ARSG: variants seen among roughly 807,000 people sequenced by gnomAD.
ARSG encodes ASG.
ARSG carries 37 observed loss-of-function variants against 50.5 expected under a neutral mutation model. That is an observed-to-expected ratio of 0.73 (90% confidence interval 0.56 to 0.96). The LOEUF (loss-of-function observed/expected upper bound fraction) is 0.96. Ranked by LOEUF, ARSG falls within the 50% of genes least tolerant of loss-of-function variation. The probability of loss-of-function intolerance (pLI) is 0.00; values close to 1 mark genes in which losing one functional copy is unlikely to be tolerated. For synonymous variants in ARSG, 225 were observed against 254.6 expected, an observed-to-expected ratio of 0.88 and a Z score of 1.11; for missense variants, 629 against 675.3, an observed-to-expected ratio of 0.93 and a Z score of 0.76.
At position 68,342,992 on chromosome 17, in the gene ARSG, C is replaced by T. The variant is rs985182737; in HGVS notation, c.219-612C>T. Reference sequence around the variant, plus strand: ...TGATTTTGGGATTAAAAACATACAACGTTAGTAAGTAGGCACATTTGAAAT... The same window carrying T: ...TGATTTTGGGATTAAAAACATACAATGTTAGTAAGTAGGCACATTTGAAAT... On this transcript the variant is annotated intron_variant, in intron 2 of 11. Coordinates refer to ENST00000621439, the MANE Select transcript of ARSG (RefSeq NM_001267727.2). Among the ~76,000 whole-genome samples the T allele has an allele frequency of 2.6e-5, 4 of 152,208 alleles. No homozygotes were observed. In the East Asian group the frequency reaches 5.8e-4, roughly 22 times the overall value.
intron 2 of ARSG, among the ~76,000 whole-genome samples, chr17:68,340,786 A>G (rs1173969341): frequency 2.0e-5 from 3 of 152,138 alleles, no homozygotes; most frequent in African/African-American, 7.2e-5. Context: ...TAAAACAAAG[A>G]TAGAGGTGTA....
At chr17:68,424,688 C>T (rs2083038374), downstream of ARSG, 1 of 343,154 alleles carries the variant, frequency 2.9e-6, no homozygotes, top group Admixed American at 4.1e-5. Context: ...CCAGCGTGAC[C>T]AACATGGTGA....
chr17:68,437,020 G>A, the ARSG span, among the ~76,000 whole-genome samples: 10 of 137,420 alleles, frequency 7.3e-5, no homozygotes, highest in African/African-American at 1.8e-4. Context: ...ATATATATGT[G>A]TGTGTGTGTG....
At chr17:68,405,848 T>C (rs1367909812) in intron 11 of ARSG, among the ~76,000 whole-genome samples, 2 of 152,248 alleles carry the variant, frequency 1.3e-5, no homozygotes, top group African/African-American at 2.4e-5. Context: ...ATCTTTTGGT[T>C]ACTATTTGCA....
At chr17:68,396,089 A>G (rs1273054542) in intron 10 of ARSG, among the ~76,000 whole-genome samples, 1 of 150,086 alleles carries the variant, frequency 6.7e-6, no homozygotes, top group Non-Finnish European at 1.5e-5. Flanking sequence ...GCTCACTGCA[A>G]CCTCCGCCTC....
chr17:68,434,507 G>A, the ARSG span: 2 of 1,602,440 alleles, frequency 1.2e-6, no homozygotes, highest in Admixed American at 1.7e-5. Context: ...AGCGGTCCCT[G>A]CGGGACTTCT....
chr17:68,337,742 C>T (rs1364464036), intron 2 of ARSG, among the ~76,000 whole-genome samples: 2 of 152,048 alleles, frequency 1.3e-5, no homozygotes, highest in South Asian at 2.1e-4. Context: ...CTCAGCCTCC[C>T]GAGTAGCTGA....
chr17:68,274,095 T>C, intron 1 of ARSG: 1 of 1,606,172 alleles, frequency 6.2e-7, no homozygotes, highest in Non-Finnish European at 8.5e-7. Flanking sequence ...CAAAACGATA[T>C]TTTAACTCAC....
intron 1 of ARSG, among the ~76,000 whole-genome samples, chr17:68,272,158 G>A (rs1398581904): frequency 2.0e-5 from 3 of 151,936 alleles, no homozygotes; most frequent in Non-Finnish European, 4.4e-5. Context: ...GGCTGGTCTC[G>A]ATCACCTGAC....
At chr17:68,402,777 G>C (rs190601962) in intron 11 of ARSG, among the ~76,000 whole-genome samples, 25 of 152,172 alleles carry the variant, frequency 1.6e-4, no homozygotes, top group Middle Eastern at 6.8e-3. Context: ...CACCCGCCTC[G>C]GCCTCCCAAA....
At chr17:68,438,938 G>A in the ARSG span, among the ~76,000 whole-genome samples, 1 of 152,180 alleles carries the variant, frequency 6.6e-6, no homozygotes, top group Admixed American at 6.5e-5. Context: ...TTAAAAACAC[G>A]ATGAGATACC....
intron 9 of ARSG, among the ~76,000 whole-genome samples, chr17:68,391,425 C>A (rs934553643): frequency 2.6e-5 from 4 of 152,102 alleles, no homozygotes; most frequent in African/African-American, 9.7e-5. Context: ...GGACTAGGTA[C>A]CTCTGAAGTT....
chr17:68,282,081 G>C (rs1372402153), intron 1 of ARSG, among the ~76,000 whole-genome samples: 1 of 152,118 alleles, frequency 6.6e-6, no homozygotes, highest in Non-Finnish European at 1.5e-5. Context: ...ATTCACAACA[G>C]CAAAGACTTG....
intron 2 of ARSG, among the ~76,000 whole-genome samples, chr17:68,339,459 C>T (rs930410443): frequency 2.0e-5 from 3 of 152,148 alleles, no homozygotes; most frequent in Admixed American, 6.5e-5. Flanking sequence ...TATCCTCAAA[C>T]GTATTGCTAG....
intron 11 of ARSG, among the ~76,000 whole-genome samples, chr17:68,405,726 A>C (rs1568586184): frequency 6.6e-6 from 1 of 152,184 alleles, no homozygotes; most frequent in African/African-American, 2.4e-5. Context: ...CAGAAATGGC[A>C]AAAATGGCAT....
chr17:68,398,466 G>A (rs2081345535), intron 10 of ARSG, among the ~76,000 whole-genome samples: 1 of 152,156 alleles, frequency 6.6e-6, no homozygotes, highest in Non-Finnish European at 1.5e-5. Context: ...TGTAACATAT[G>A]CATACATGTG....
intron 9 of ARSG, among the ~76,000 whole-genome samples, chr17:68,393,215 C>A (rs1600068162): frequency 1.3e-5 from 2 of 152,156 alleles, no homozygotes; most frequent in East Asian, 3.8e-4. Flanking sequence ...CTGTGATCAA[C>A]CATGGTCTAT....
intron 1 of ARSG, among the ~76,000 whole-genome samples, chr17:68,306,518 C>T (rs1806108697): frequency 6.6e-6 from 1 of 152,240 alleles, no homozygotes; most frequent in Admixed American, 6.5e-5. Context: ...TAGCAGGACC[C>T]TATCTCCAAA....
rs2084042428 is a variant in ARSG, at chr17:68,420,176, A to G, written c.1304-13A>G. On this transcript the variant is annotated splice_polypyrimidine_tract_variant and intron_variant, in intron 11 of 11. Coordinates refer to ENST00000621439, the MANE Select transcript of ARSG (RefSeq NM_001267727.2). Reference sequence around the variant, plus strand: ...CAGGGTTAGCGAGGCATTTGTTGTCATTCCCTCTCTAGGTGGAGCCAGGGC... The same window carrying G: ...CAGGGTTAGCGAGGCATTTGTTGTCGTTCCCTCTCTAGGTGGAGCCAGGGC... 1 of 1,612,712 alleles carries G rather than the reference A, an allele frequency of 6.2e-7. No homozygotes were observed. Among genetic ancestry groups the G allele is most frequent in the Non-Finnish European group, 8.5e-7 (1 of 1,179,350 alleles).
Sources: gnomAD v4.1 joint callset for allele counts (sites outside exome capture counted in the v4.1 genomes callset) on GRCh38, gnomAD v4.1.1 for gene constraint, MANE v1.5 for transcripts, NCBI Gene and HGNC (gene_info 2026-07-23, HGNC 2026-07-21) for gene names.